EDIL3: variants seen among roughly 807,000 people sequenced by gnomAD.
EDIL3 encodes the protein EGF-like repeat and discoidin I-like domain-containing protein 3.
A neutral mutation model predicts 67.4 loss-of-function variants in EDIL3; 37 were observed. The ratio of observed to expected loss-of-function variants is 0.55; its 90% CI spans 0.42 to 0.72. The LOEUF is 0.72. Among genes scored for constraint, EDIL3 ranks in the 30% least tolerant of loss-of-function variants. The pLI is 0.00. For missense variants in EDIL3, 527 were observed against 586.3 expected (o/e 0.90, Z 1.04); for synonymous variants, 195 against 196.3 (o/e 0.99, Z 0.05).
chr5:84,023,111 T>C (rs933918496), intron 9 of EDIL3, among the ~76,000 whole-genome samples: 2 of 151,990 alleles, frequency 1.3e-5, no homozygotes, highest in African/African-American at 4.8e-5. Context: ...ACACAAGTTC[T>C]GGGGAGCTAA....
intron 10 of EDIL3, among the ~76,000 whole-genome samples, chr5:83,960,414 C>T (rs1204275517): frequency 6.6e-6 from 1 of 150,808 alleles, no homozygotes; most frequent in Non-Finnish European, 1.5e-5. Context: ...TATTTTGGTT[C>T]GATGTTTGAG....
chr5:84,071,494 A>G (rs1746740098), intron 6 of EDIL3, among the ~76,000 whole-genome samples: 1 of 152,234 alleles, frequency 6.6e-6, no homozygotes, highest in South Asian at 2.1e-4. Context: ...GAACAAGCAT[A>G]TAAATAAGAA....
chr5:84,213,176 T>G (rs1744162981), intron 3 of EDIL3, among the ~76,000 whole-genome samples: 1 of 121,232 alleles, frequency 8.2e-6, no homozygotes, highest in Non-Finnish European at 1.7e-5. Context: ...TTAACATTGA[T>G]CAGTATTTTC....
At chr5:84,269,544 A>C (rs1178111615) in intron 1 of EDIL3, among the ~76,000 whole-genome samples, 1 of 152,134 alleles carries the variant, frequency 6.6e-6, no homozygotes, top group Non-Finnish European at 1.5e-5. Context: ...ATTAATTTAT[A>C]TTAGTGTAAG....
chr5:84,076,717 A>C (rs1438717069), intron 6 of EDIL3, among the ~76,000 whole-genome samples: 1 of 152,240 alleles, frequency 6.6e-6, no homozygotes, highest in African/African-American at 2.4e-5. Flanking sequence ...TTCCAATTTT[A>C]TAACTAGCAA....
intron 10 of EDIL3, among the ~76,000 whole-genome samples, chr5:83,953,212 TA>T (rs1263819554): frequency 6.6e-6 from 1 of 151,834 alleles, no homozygotes; most frequent in Non-Finnish European, 1.5e-5. Flanking sequence ...ATACTTATAC[TA>T]AAGAATGTAT....
At chr5:84,054,903 C>A (rs1746415040) in intron 9 of EDIL3, among the ~76,000 whole-genome samples, 1 of 145,716 alleles carries the variant, frequency 6.9e-6, no homozygotes, top group Non-Finnish European at 1.5e-5. Context: ...TTTATAGATT[C>A]AATGCCATCC....
At chr5:84,002,210 G>C (rs1313210299) in intron 9 of EDIL3, among the ~76,000 whole-genome samples, 2 of 152,032 alleles carry the variant, frequency 1.3e-5, no homozygotes, top group Non-Finnish European at 2.9e-5. Context: ...TGCTAAAAAG[G>C]TATTTTATAA....
chr5:84,261,130 C>A (rs1164220628), intron 1 of EDIL3, among the ~76,000 whole-genome samples: 1 of 152,054 alleles, frequency 6.6e-6, no homozygotes, highest in African/African-American at 2.4e-5. Flanking sequence ...AGTTTTGAAC[C>A]AATCTATAGA....
chr5:84,096,237 T>C (rs1747260733), intron 6 of EDIL3, among the ~76,000 whole-genome samples: 1 of 152,066 alleles, frequency 6.6e-6, no homozygotes, highest in African/African-American at 2.4e-5. Context: ...GACCCCAAAA[T>C]GGTAGATCCC....
intron 4 of EDIL3, among the ~76,000 whole-genome samples, chr5:84,153,992 T>C (rs1748446649): frequency 1.3e-5 from 2 of 152,206 alleles, no homozygotes; most frequent in South Asian, 2.1e-4. Flanking sequence ...AAAGGTCTGC[T>C]GGGCTTGGTT....
chr5:84,253,222 T>C (rs1383808753), intron 2 of EDIL3, among the ~76,000 whole-genome samples: 1 of 152,194 alleles, frequency 6.6e-6, no homozygotes, highest in Admixed American at 6.5e-5. Flanking sequence ...GCCATTGAAG[T>C]GTCCTGTTTC....
At chr5:84,051,238 C>A (rs1416785544) in intron 9 of EDIL3, among the ~76,000 whole-genome samples, 1 of 152,210 alleles carries the variant, frequency 6.6e-6, no homozygotes, top group Non-Finnish European at 1.5e-5. Context: ...TCCAACAGAC[C>A]TGCAGCTGAG....
At chr5:84,244,512 C>A (rs1001131483) in intron 2 of EDIL3, among the ~76,000 whole-genome samples, 8 of 150,864 alleles carry the variant, frequency 5.3e-5, no homozygotes, top group African/African-American at 2.0e-4. Context: ...TGGTCTTAAA[C>A]CCCTGAACTC....
chr5:84,254,466 A>C (rs981258862), intron 1 of EDIL3, among the ~76,000 whole-genome samples: 3 of 152,220 alleles, frequency 2.0e-5, no homozygotes, highest in African/African-American at 7.2e-5. Context: ...GAGTTCCTTC[A>C]TAATATGTAA....
chr5:84,295,740 A>G (rs981078884), intron 1 of EDIL3, among the ~76,000 whole-genome samples: 5 of 152,292 alleles, frequency 3.3e-5, no homozygotes, highest in Middle Eastern at 3.4e-3. Context: ...TTGTTTATAT[A>G]CAAAAACTTG....
intron 3 of EDIL3, among the ~76,000 whole-genome samples, chr5:84,186,828 C>T (rs749910447): frequency 6.6e-6 from 1 of 151,984 alleles, no homozygotes; most frequent in African/African-American, 2.4e-5. Context: ...TTCAACCACT[C>T]AGAGCTTGTA....
chr5:84,047,057 G>A (rs1362786109), intron 9 of EDIL3, among the ~76,000 whole-genome samples: 2 of 152,164 alleles, frequency 1.3e-5, no homozygotes, highest in East Asian at 1.9e-4. Flanking sequence ...GTTATAACAG[G>A]TGCCCCAAAT....
chr5:84,067,355 C>T (rs1746662974), intron 6 of EDIL3, among the ~76,000 whole-genome samples: 1 of 152,014 alleles, frequency 6.6e-6, no homozygotes, highest in African/African-American at 2.4e-5. Flanking sequence ...ATCTTTTTGA[C>T]ACTTAACACT....
Sources: gnomAD v4.1 joint callset for allele counts (sites outside exome capture counted in the v4.1 genomes callset) on GRCh38, gnomAD v4.1.1 for gene constraint, MANE v1.5 for transcripts, NCBI Gene and HGNC (gene_info 2026-07-23, HGNC 2026-07-21) for gene names.